LRRTM4: variants seen among roughly 807,000 people sequenced by gnomAD.
The protein encoded by LRRTM4 is leucine rich repeat transmembrane neuronal 4.
In LRRTM4, 25 loss-of-function variants were observed where a neutral mutation model predicts 47.6. The ratio of observed to expected loss-of-function variants is 0.53; its 90% CI spans 0.38 to 0.73. The LOEUF (loss-of-function observed/expected upper bound fraction) is 0.73, where lower values mean the gene tolerates loss of function less well. Among genes scored for constraint, LRRTM4 ranks in the 30% least tolerant of loss-of-function variants. The probability of loss-of-function intolerance (pLI) is 0.00; values close to 1 mark genes in which losing one functional copy is unlikely to be tolerated. For synonymous variants in LRRTM4, 311 were observed against 269.5 expected, an observed-to-expected ratio of 1.15 and a Z score of -1.51; for missense variants, 638 against 713.4, an observed-to-expected ratio of 0.89 and a Z score of 1.20.
At chr2:76,963,178 T>A in intron 3 of LRRTM4, among the ~76,000 whole-genome samples, 1 of 150,950 alleles carries the variant, frequency 6.6e-6, no homozygotes, top group East Asian at 1.9e-4. Context: ...AAAATTTAAT[T>A]CTTATTCCTG....
At chr2:77,492,269 TTC>T (rs1678197012) in intron 3 of LRRTM4, among the ~76,000 whole-genome samples, 1 of 152,200 alleles carries the variant, frequency 6.6e-6, no homozygotes, top group Admixed American at 6.5e-5. Context: ...TTTGTTTTGT[TTC>T]TCTTTTAGAG....
chr2:76,985,499 C>A (rs1201467914), intron 3 of LRRTM4, among the ~76,000 whole-genome samples: 1 of 151,914 alleles, frequency 6.6e-6, no homozygotes, highest in Non-Finnish European at 1.5e-5. Context: ...GTATGGCAAA[C>A]AAGGGTCATC....
At chr2:76,785,488 C>A (rs941627464) in intron 3 of LRRTM4, among the ~76,000 whole-genome samples, 4 of 152,040 alleles carry the variant, frequency 2.6e-5, no homozygotes, top group African/African-American at 9.7e-5. Flanking sequence ...CATATGGGTA[C>A]GTCAGTCTCT....
At chr2:77,437,290 G>A (rs946861007) in intron 3 of LRRTM4, among the ~76,000 whole-genome samples, 15 of 151,990 alleles carry the variant, frequency 9.9e-5, no homozygotes, top group African/African-American at 3.6e-4. Context: ...GCAAGCATGA[G>A]AAATTTTAAA....
At chr2:76,772,573 TA>T (rs1469861575) in intron 3 of LRRTM4, among the ~76,000 whole-genome samples, 7 of 152,324 alleles carry the variant, frequency 4.6e-5, no homozygotes, top group African/African-American at 1.7e-4. Flanking sequence ...TTTGGACAGA[TA>T]TTTTTTTTGG....
At chr2:77,182,843 C>G (rs1303474978) in intron 3 of LRRTM4, among the ~76,000 whole-genome samples, 7 of 152,124 alleles carry the variant, frequency 4.6e-5, no homozygotes, top group Non-Finnish European at 1.5e-5. Flanking sequence ...AAAGGATTCC[C>G]TATTTAATAA....
At chr2:76,837,579 T>G (rs1336696588) in intron 3 of LRRTM4, among the ~76,000 whole-genome samples, 3 of 152,258 alleles carry the variant, frequency 2.0e-5, no homozygotes, top group South Asian at 2.1e-4. Flanking sequence ...AGCCATCCCA[T>G]TACTGGGTAT....
At position 77,090,905 on chromosome 2, in the gene LRRTM4, C is replaced by G. The variant is rs369302289; in HGVS notation, c.1552-341989G>C. Among the ~76,000 whole-genome samples the G allele has an allele frequency of 4.4e-4, 67 of 152,200 alleles. 1 individual carries two copies. The highest frequency in any genetic ancestry group is 2.7e-3 in the East Asian group (14 of 5,156). Reference sequence around the variant, plus strand: ...ATCACGGACGCCGAGCTTCAGGTAACTCTCACAGTGGAAGGTAAGCCCATC... The same window carrying G: ...ATCACGGACGCCGAGCTTCAGGTAAGTCTCACAGTGGAAGGTAAGCCCATC... On this transcript the variant is annotated intron_variant, in intron 3 of 3. Transcript: ENST00000409884.
At chr2:76,896,416 T>C (rs188659598) in intron 3 of LRRTM4, among the ~76,000 whole-genome samples, 102 of 152,262 alleles carry the variant, frequency 6.7e-4, no homozygotes, top group African/African-American at 2.4e-3. Context: ...TTTTAATTTC[T>C]ACTTGACCCT....
intron 3 of LRRTM4, among the ~76,000 whole-genome samples, chr2:77,476,116 CTT>C (rs1340697089): frequency 1.6e-4 from 25 of 152,088 alleles, no homozygotes; most frequent in Admixed American, 7.2e-4. Context: ...GCAATAGAGT[CTT>C]TTCTCAGGGA....
chr2:77,131,905 G>A (rs888192448), intron 3 of LRRTM4, among the ~76,000 whole-genome samples: 1 of 151,882 alleles, frequency 6.6e-6, no homozygotes, highest in African/African-American at 2.4e-5. Flanking sequence ...ATATTTATGG[G>A]GTACATGTGA....
chr2:77,060,969 T>C (rs1457597319), intron 3 of LRRTM4, among the ~76,000 whole-genome samples: 1 of 152,162 alleles, frequency 6.6e-6, no homozygotes, highest in Non-Finnish European at 1.5e-5. Context: ...TAGCAAATTA[T>C]AAAGTTATAT....
rs573871565 is a variant in LRRTM4 at position 77,207,061 on chromosome 2, T to C, written c.1551+311257A>G. 1.0e-3 allele frequency among the ~76,000 whole-genome samples: 157 copies of C among 150,838 alleles called. 1 individual carries two copies. The highest frequency in any genetic ancestry group is 3.6e-3 in the African/African-American group (149 of 41,220). On this transcript the variant is annotated intron_variant, in intron 3 of 3. Coordinates refer to ENST00000409884, the MANE Select transcript of LRRTM4 (RefSeq NM_001134745.3). ...CAATGTCTCTTCAGAGCCTGAAACA[T>C]TCCCTCCAAAATGTGACTTATTCTT...
chr2:77,277,606 A>T (rs1420340028), intron 3 of LRRTM4, among the ~76,000 whole-genome samples: 1 of 152,054 alleles, frequency 6.6e-6, no homozygotes, highest in Non-Finnish European at 1.5e-5. Context: ...AAGCCACTGG[A>T]GAATGGTAAT....
chr2:76,796,083 C>T (rs1164203316), intron 3 of LRRTM4, among the ~76,000 whole-genome samples: 1 of 132,874 alleles, frequency 7.5e-6, no homozygotes, highest in African/African-American at 2.9e-5. Flanking sequence ...GGGTCACTCC[C>T]ACCCGAATAC....
chr2:76,864,989 G>C (rs936787506), intron 3 of LRRTM4, among the ~76,000 whole-genome samples: 2 of 151,344 alleles, frequency 1.3e-5, no homozygotes, highest in Non-Finnish European at 2.9e-5. Context: ...TTCTGCCTCA[G>C]CCTCCCAAAT....
chr2:77,307,197 G>A (rs1677305851), intron 3 of LRRTM4, among the ~76,000 whole-genome samples: 1 of 151,854 alleles, frequency 6.6e-6, no homozygotes, highest in African/African-American at 2.4e-5. Flanking sequence ...ACCGCGCCCG[G>A]CCCCCATATT....
At chr2:77,331,974 A>AAGTATAATTT (rs1360552175) in intron 3 of LRRTM4, among the ~76,000 whole-genome samples, 1 of 152,160 alleles carries the variant, frequency 6.6e-6, no homozygotes, top group East Asian at 1.9e-4. Flanking sequence ...ATAGAACAGG[A>AAGTATAATTT]AGTATAATTT....
intron 3 of LRRTM4, among the ~76,000 whole-genome samples, chr2:76,821,033 A>G (rs1311338417): frequency 6.6e-6 from 1 of 151,730 alleles, no homozygotes; most frequent in Non-Finnish European, 1.5e-5. Context: ...GATACTGTGC[A>G]AGGGTCTATA....
Sources: allele counts gnomAD v4.1 joint callset (sites outside exome capture counted in the v4.1 genomes callset), GRCh38; gene constraint gnomAD v4.1.1; transcripts MANE v1.5; gene names NCBI Gene and HGNC (gene_info 2026-07-23, HGNC 2026-07-21).